FANCM: variants seen among roughly 807,000 people sequenced by gnomAD.
The protein encoded by FANCM is FA complementation group M.
In FANCM, 140 loss-of-function variants were observed where a neutral mutation model predicts 199.5. The observed-to-expected ratio is 0.70, with a 90% CI of 0.61 to 0.81. The LOEUF (loss-of-function observed/expected upper bound fraction) is 0.81, where lower values mean the gene tolerates loss of function less well. Among genes scored for constraint, FANCM ranks in the 30% least tolerant of loss-of-function variants. The pLI is 0.00. For synonymous variants in FANCM, 840 were observed against 836.8 expected (o/e 1.00, Z -0.07); for missense variants, 2,410 against 2,421.4 (o/e 1.00, Z 0.10).
At position 45,161,363 on chromosome 14, in the gene FANCM, G is replaced by T. The variant is rs190271684; in HGVS notation, c.1581+2083G>T. On this transcript the variant is annotated intron_variant, in intron 9 of 22. Coordinates refer to ENST00000267430, the MANE Select transcript of FANCM (RefSeq NM_020937.4). ...GATATTAAGTCAGAAGAAATTGGGG[G>T]GGCCAGATCCTTTAGGGCCCTATAT... is the stretch of plus-strand genomic sequence containing the variant. 1.1e-3 allele frequency among the ~76,000 whole-genome samples: 162 copies of T among 152,218 alleles called. 1 individual carries two copies. The highest frequency in any genetic ancestry group is 3.7e-3 in the African/African-American group (152 of 41,532).
At chr14:45,171,529 T>C (rs1888340427) in intron 12 of FANCM, among the ~76,000 whole-genome samples, 1 of 151,488 alleles carries the variant, frequency 6.6e-6, no homozygotes, top group Non-Finnish European at 1.5e-5. Flanking sequence ...TCTTAGGCCT[T>C]TGTGTCCTCA....
chr14:45,174,725 A>G (rs983544302), intron 13 of FANCM, among the ~76,000 whole-genome samples: 6 of 152,068 alleles, frequency 3.9e-5, no homozygotes, highest in African/African-American at 1.4e-4. Context: ...TAAAATATCT[A>G]TTTTTAAGAA....
chr14:45,176,340 C>A lies in FANCM; in HGVS notation c.3586C>A (p.Arg1196Ser). ...NNSELQDQITRDANSFKSRDQ... is the reference protein window; with the variant it reads ...NNSELQDQITSDANSFKSRDQ... ...TTCTGAACTCCAAGATCAAATCACC[C>A]GTGATGCTAATAGTTTTAAATCTCG... The change falls in exon 14 of 23, where the codon CGT becomes AGT. Residue 1196 changes from arginine to serine, a missense_variant. Transcript: ENST00000267430. The A allele has an allele frequency of 6.2e-7, 1 of 1,613,660 alleles. No homozygotes were observed. Among genetic ancestry groups the A allele is most frequent in the Non-Finnish European group, 8.5e-7 (1 of 1,179,942 alleles).
chr14:45,136,454 C>T lies in FANCM; in HGVS notation c.423C>T (p.Ala141=), dbSNP rs759199857. The T allele has an allele frequency of 2.5e-6, 4 of 1,613,984 alleles. No homozygotes were observed. In the African/African-American group the frequency reaches 5.3e-5, roughly 22 times the overall value. ...WFPSGKVVFM[A]PTKPLVTQQI... is the part of the protein sequence containing the mutation. ...CTTCAGGAAAGGTGGTCTTCATGGC[C>T]CCAACGAAACCCTTGGTGACACAGC... Residue 141 remains alanine, a synonymous_variant, in exon 1 of 23, where the codon GCC becomes GCT. Transcript: ENST00000267430.
intron 10 of FANCM, 96 bp downstream of exon 10, chr14:45,164,661 C>A: frequency 2.1e-6 from 2 of 955,690 alleles, no homozygotes; most frequent in South Asian, 1.5e-5. Flanking sequence ...AGTCCAAACA[C>A]TCTGTAGATA....
intron 9 of FANCM, among the ~76,000 whole-genome samples, chr14:45,163,137 G>A (rs12436623): frequency 0.028 from 4,278 of 152,308 alleles, 172 homozygotes; most frequent in Admixed American, 0.12. Flanking sequence ...CTAGCTTACA[G>A]ATTAAGTTAG....
rs774801698 is a variant in FANCM at position 45,151,419 on chromosome 14, C to G, written c.941C>G (p.Ser314Cys). ...YIQILESFAR[S>C]LIQRNVLMRR... Reference sequence around the variant, plus strand: ...CAGATTTTGGAATCATTTGCTCGTTCTTTGATTCAGAGGAATGTTTTGATG... The same window carrying G: ...CAGATTTTGGAATCATTTGCTCGTTGTTTGATTCAGAGGAATGTTTTGATG... Residue 314 changes from serine to cysteine, a missense_variant, in exon 5 of 23, where the codon TCT (serine) becomes TGT (cysteine). Coordinates refer to ENST00000267430, the MANE Select transcript of FANCM (RefSeq NM_020937.4). 6.2e-7 allele frequency: 1 copy of G among 1,613,686 alleles called. No individual in the cohort carries two copies. The highest frequency in any genetic ancestry group is 2.2e-5 in the East Asian group (1 of 44,842).
chr14:45,161,763 T>C (rs1330474958), intron 9 of FANCM, among the ~76,000 whole-genome samples: 1 of 151,884 alleles, frequency 6.6e-6, no homozygotes, highest in African/African-American at 2.4e-5. Flanking sequence ...GGCAACACAG[T>C]GAGACCCTGT....
intron 21 of FANCM, among the ~76,000 whole-genome samples, chr14:45,197,846 C>T (rs573289200): frequency 2.0e-5 from 3 of 151,738 alleles, no homozygotes; most frequent in Admixed American, 6.6e-5. Context: ...TCACTGCAAC[C>T]TCCGCCTCCT....
rs749465814 is a variant in FANCM at position 45,155,415 on chromosome 14, A to G, written c.1352A>G (p.Lys451Arg). The G allele has an allele frequency of 1.3e-6, 2 of 1,481,874 alleles. No homozygotes were observed. Among genetic ancestry groups the G allele is most frequent in the Non-Finnish European group, 1.9e-6 (2 of 1,061,336 alleles). The allele number at this position is 1,481,874 out of a possible 1,614,324, so 91.8% of individuals were successfully genotyped here. ...KKFVYSHPKL[K>R]KLEEVVIEHF... ...TTTGTTTATAGTCATCCAAAGTTAA[A>G]GAAATTAGAAGAAGTTGTAATTGAA... The change falls in exon 8 of 23, where the codon AAG (lysine) becomes AGG (arginine). Residue 451 changes from lysine to arginine, a missense_variant. Coordinates refer to ENST00000267430, the MANE Select transcript of FANCM (RefSeq NM_020937.4).
Position 45,136,356 on chromosome 14 carries a change from G to A in FANCM, c.325G>A (p.Val109Met). 1.2e-6 allele frequency: 2 copies of A among 1,614,174 alleles called. No individual in the cohort carries two copies. Among genetic ancestry groups the A allele is most frequent in the African/African-American group, 2.7e-5 (2 of 75,032 alleles). The change falls in exon 1 of 23, where the codon GTG (valine) becomes ATG (methionine). Residue 109 changes from valine (V) to methionine (M), a missense_variant. Coordinates refer to ENST00000267430, the MANE Select transcript of FANCM (RefSeq NM_020937.4). ...GGCTGCTCTGTTTTGCAATACGCTGGTGTGTCTGCCTACCGGACTGGGAAA... is the reference window on the plus strand; with the variant it reads ...GGCTGCTCTGTTTTGCAATACGCTGATGTGTCTGCCTACCGGACTGGGAAA... ...SRAALFCNTL[V>M]CLPTGLGKTF...
chr14:45,143,943 C>T (rs1886170502), intron 3 of FANCM, among the ~76,000 whole-genome samples: 1 of 152,098 alleles, frequency 6.6e-6, no homozygotes, highest in African/African-American at 2.4e-5. Flanking sequence ...CTACCCACCT[C>T]AGCCTCCCAA....
At chr14:45,173,787 C>G (rs1335856833) in intron 13 of FANCM, among the ~76,000 whole-genome samples, 1 of 152,162 alleles carries the variant, frequency 6.6e-6, no homozygotes, top group Non-Finnish European at 1.5e-5. Flanking sequence ...GATTAAATGA[C>G]CTAATATATG....
chr14:45,153,945 G>A lies in FANCM; in HGVS notation c.1076G>A (p.Gly359Glu). ...IVGIQQGIIEGEFAICISLYH... is the reference protein window; with the variant it reads ...IVGIQQGIIEEEFAICISLYH... The stretch of plus-strand genomic sequence containing the variant: ...GGAATACAACAAGGCATAATCGAGG[G>A]AGAGTTTGCTATTTGTATTAGTTTA... Residue 359 changes from glycine (G) to glutamate (E), a missense_variant, in exon 6 of 23, where the codon GGA becomes GAA. Gly to Glu is a moderately conservative substitution (Grantham distance 98). Transcript: ENST00000267430. 4 of 1,608,252 alleles carry A rather than the reference G, an allele frequency of 2.5e-6. No individual in the cohort carries two copies. Among genetic ancestry groups the A allele is most frequent in the Non-Finnish European group, 3.4e-6 (4 of 1,174,758 alleles).
chr14:45,140,148 C>T (rs565381269), intron 2 of FANCM, among the ~76,000 whole-genome samples: 18 of 152,284 alleles, frequency 1.2e-4, no homozygotes, highest in Admixed American at 7.8e-4. Context: ...TGGGTATAGC[C>T]GTAAGGCTGA....
chr14:45,187,981 G>A, intron 19 of FANCM, 94 bp downstream of exon 19: 2 of 719,206 alleles, frequency 2.8e-6, no homozygotes, highest in Non-Finnish European at 5.1e-6. Flanking sequence ...CTAAAACTGG[G>A]CTGTCAGAGC....
chr14:45,153,636 TC>T (rs1188986086), intron 5 of FANCM, among the ~76,000 whole-genome samples: 2 of 152,230 alleles, frequency 1.3e-5, no homozygotes, highest in East Asian at 1.9e-4. Context: ...AATTTTTTTT[TC>T]CTTTACTTAT....
chr14:45,167,045 G>A lies in FANCM; in HGVS notation c.1884G>A (p.Met628Ile), dbSNP rs1888029745. 1.2e-6 allele frequency: 2 copies of A among 1,612,052 alleles called. No individual in the cohort carries two copies. The highest frequency in any genetic ancestry group is 1.7e-6 in the Non-Finnish European group (2 of 1,178,128). ...VLHFYQRSPR[M>I]VPDGINPKLH... ...ATTTTTACCAAAGAAGTCCACGAAT[G>A]GTTCCTGATGGAATCAACCCAAAAT... The change falls in exon 11 of 23, where the codon ATG (methionine) becomes ATA (isoleucine). Residue 628 changes from methionine (M) to isoleucine (I), a missense_variant. Coordinates refer to ENST00000267430, the MANE Select transcript of FANCM (RefSeq NM_020937.4).
At chr14:45,179,587 A>C (rs1210642144) in intron 14 of FANCM, among the ~76,000 whole-genome samples, 1 of 128,808 alleles carries the variant, frequency 7.8e-6, no homozygotes, top group African/African-American at 3.0e-5. Flanking sequence ...TTTTTGAGAC[A>C]GTCTCACTCT....
Sources: allele counts gnomAD v4.1 joint callset (sites outside exome capture counted in the v4.1 genomes callset), GRCh38; gene constraint gnomAD v4.1.1; transcripts MANE v1.5; gene names NCBI Gene and HGNC (gene_info 2026-07-23, HGNC 2026-07-21).